Variants in MAL observed in about 807,000 individuals in gnomAD.
The protein encoded by MAL is mal, T cell differentiation protein (MAL blood group), also known as myelin and lymphocyte protein.
A neutral mutation model predicts 16.7 loss-of-function variants in MAL; 5 were observed. The observed-to-expected ratio is 0.30, with a 90% confidence interval of 0.16 to 0.63. The LOEUF (loss-of-function observed/expected upper bound fraction) is 0.63, where lower values mean the gene tolerates loss of function less well. Among genes scored for constraint, MAL ranks in the 30% least tolerant of loss-of-function variants. MAL has a pLI of 0.82. For missense variants in MAL, 202 were observed against 195.8 expected, an observed-to-expected ratio of 1.03 and a Z score of -0.19; for synonymous variants, 96 against 85.5, an observed-to-expected ratio of 1.12 and a Z score of -0.67.
chr2:95,034,454 CAT>C (rs1387464724), intron 1 of MAL, among the ~76,000 whole-genome samples: 1 of 152,242 alleles, frequency 6.6e-6, no homozygotes, highest in Non-Finnish European at 1.5e-5. Flanking sequence ...GAGTGTGACA[CAT>C]AGCTACATCT....
intron 1 of MAL, among the ~76,000 whole-genome samples, chr2:95,028,580 G>A (rs780290548): frequency 3.9e-5 from 6 of 152,110 alleles, no homozygotes; most frequent in Admixed American, 6.5e-5. Context: ...TATAACCAAA[G>A]GATTCCAAGC....
Position 95,029,939 on chromosome 2 carries a change from G to A in MAL, c.93+4054G>A, listed in dbSNP as rs545702895. ...TTTATAATTTTCTGCTAGTCCAATGGGTGTGAAATGCTTGATTATTTTTTA... is the reference window on the plus strand; with the variant it reads ...TTTATAATTTTCTGCTAGTCCAATGAGTGTGAAATGCTTGATTATTTTTTA... On this transcript the variant is annotated intron_variant, in intron 1 of 3. Transcript: ENST00000309988. 2.6e-5 allele frequency among the ~76,000 whole-genome samples: 4 copies of A among 152,234 alleles called. No individual in the cohort carries two copies. The East Asian group carries it at 7.7e-4, about 29-fold the overall frequency.
At chr2:95,028,166 A>AC (rs1553413960) in intron 1 of MAL, among the ~76,000 whole-genome samples, 17 of 149,766 alleles carry the variant, frequency 1.1e-4, no homozygotes, top group African/African-American at 3.4e-4. Context: ...AAAAAAAAAA[A>AC]AAAAAAAAAA....
intron 1 of MAL, among the ~76,000 whole-genome samples, chr2:95,037,822 CAGTG>C (rs1674281791): frequency 1.5e-5 from 1 of 67,638 alleles, no homozygotes; most frequent in African/African-American, 6.1e-5. Flanking sequence ...GTGAGTGACT[CAGTG>C]AGTGAGTGAC....
chr2:95,050,879 C>T (rs1351900955), intron 3 of MAL, among the ~76,000 whole-genome samples: 2 of 152,192 alleles, frequency 1.3e-5, no homozygotes, highest in Admixed American at 1.3e-4. Flanking sequence ...ACTGATCTTC[C>T]TTCCTGGGGA....
chr2:95,030,606 A>G (rs1321752258), intron 1 of MAL, among the ~76,000 whole-genome samples: 3 of 152,122 alleles, frequency 2.0e-5, no homozygotes, highest in Non-Finnish European at 2.9e-5. Context: ...AGGACTTGTG[A>G]AGGAAGTGCC....
At chr2:95,047,674 G>A (rs1030682854) in intron 1 of MAL, among the ~76,000 whole-genome samples, 4 of 152,160 alleles carry the variant, frequency 2.6e-5, no homozygotes, top group African/African-American at 4.8e-5. Context: ...TGAGCCACAC[G>A]CCACTGTACT....
intron 1 of MAL, among the ~76,000 whole-genome samples, chr2:95,043,276 T>C (rs1674511460): frequency 1.3e-5 from 2 of 152,272 alleles, no homozygotes; most frequent in African/African-American, 4.8e-5. Context: ...GTTAAGTGGC[T>C]GCTTATGCAT....
In MAL at chr2:95,025,818, G is replaced by A. The variant is rs757977215; in HGVS notation, c.26G>A (p.Gly9Asp). Reference protein sequence around the residue: MAPAAATGGSTLPSGFSVF... With the variant: MAPAAATGDSTLPSGFSVF... ...ATGGCCCCCGCAGCGGCGACGGGGG[G>A]CAGCACCCTGCCCAGTGGCTTCTCG... Residue 9 changes from glycine to aspartate, a missense_variant, in exon 1 of 4, where the codon GGC becomes GAC. By Grantham distance (94) the Gly-to-Asp change is moderately conservative. Coordinates refer to ENST00000309988, the MANE Select transcript of MAL (RefSeq NM_002371.4). This position sits in a 1 kb window ranked among gnomAD's most constrained non-coding sequence, Gnocchi z 5.6. The A allele has an allele frequency of 8.3e-6, 13 of 1,570,568 alleles. No individual in the cohort carries two copies. Among genetic ancestry groups the A allele is most frequent in the East Asian group, 2.4e-5 (1 of 41,480 alleles).
Position 95,025,759 on chromosome 2 carries a change from C to T in MAL, c.-34C>T, listed in dbSNP as rs770786417. The T allele has an allele frequency of 1.9e-5, 27 of 1,457,126 alleles. No homozygotes were observed. Among genetic ancestry groups the T allele is most frequent in the East Asian group, 5.5e-5 (2 of 36,534 alleles). 90.3% of individuals were successfully genotyped at this position (1,457,126 alleles called of 1,614,324 possible). A position where few individuals can be genotyped will look rare whatever the true frequency, so the allele number is the denominator to read the frequency against. ...GTCTGCGCGGAGTCTGAGCGGCGCT[C>T]GTCCCGTCCCAAGGCCGACGCCAGC... On this transcript the variant is annotated 5_prime_UTR_variant, in exon 1 of 4. Transcript: ENST00000309988. The surrounding 1 kb of genome is among the most constrained non-coding windows in gnomAD (Gnocchi z 5.6).
At chr2:95,038,282 G>A (rs1301947755) in intron 1 of MAL, among the ~76,000 whole-genome samples, 11 of 150,930 alleles carry the variant, frequency 7.3e-5, no homozygotes, top group South Asian at 2.1e-4. Context: ...CTGAGTGACC[G>A]AGTGGGTGAG....
intron 1 of MAL, among the ~76,000 whole-genome samples, chr2:95,045,426 T>C (rs1170588292): frequency 1.3e-5 from 2 of 152,222 alleles, no homozygotes; most frequent in African/African-American, 4.8e-5. Flanking sequence ...TGGACACCGA[T>C]GCATGGCTGG....
At chr2:95,036,128 C>T (rs1674198830) in intron 1 of MAL, among the ~76,000 whole-genome samples, 1 of 152,194 alleles carries the variant, frequency 6.6e-6, no homozygotes, top group African/African-American at 2.4e-5. Context: ...GAGGAAGAAG[C>T]CTGCTAATGA....
At chr2:95,053,267 C>A in intron 3 of MAL, 114 bp from the exon 4 acceptor site, 2 of 756,806 alleles carry the variant, frequency 2.6e-6, no homozygotes, top group Admixed American at 1.9e-5. Flanking sequence ...GCAATGACAG[C>A]CCAAGCTCTC....
intron 1 of MAL, among the ~76,000 whole-genome samples, chr2:95,037,496 CTGAG>C (rs1674260433): frequency 9.6e-6 from 1 of 104,296 alleles, no homozygotes; most frequent in South Asian, 3.3e-4. Flanking sequence ...GAGTGAGTGA[CTGAG>C]TGACTGAGTG....
intron 1 of MAL, among the ~76,000 whole-genome samples, chr2:95,039,723 G>C (rs551030317): frequency 8.0e-4 from 61 of 76,674 alleles, no homozygotes; most frequent in African/African-American, 3.6e-3. Flanking sequence ...GACTGAGTGA[G>C]TGACTGAGTG....
intron 2 of MAL, among the ~76,000 whole-genome samples, chr2:95,048,412 C>A (rs552885006): frequency 6.6e-6 from 1 of 152,160 alleles, no homozygotes; most frequent in Non-Finnish European, 1.5e-5. Flanking sequence ...CACCTGTACC[C>A]GCCAGGTGCC....
At chr2:95,026,155 A>T (rs893473080) in intron 1 of MAL, among the ~76,000 whole-genome samples, 1 of 149,894 alleles carries the variant, frequency 6.7e-6, no homozygotes, top group Non-Finnish European at 1.5e-5. Flanking sequence ...GCAGCGGGGC[A>T]GGGGGGGACG....
At chr2:95,047,290 C>G (rs1466831776) in intron 1 of MAL, among the ~76,000 whole-genome samples, 1 of 152,214 alleles carries the variant, frequency 6.6e-6, no homozygotes, top group Non-Finnish European at 1.5e-5. Context: ...GTTTCCTCAT[C>G]TGGCAAACAG....
Sources: gnomAD v4.1 joint callset for allele counts (sites outside exome capture counted in the v4.1 genomes callset) on GRCh38, gnomAD v4.1.1 for gene constraint, Gnocchi (gnomAD v3.1) non-coding constraint, MANE v1.5 for transcripts, NCBI Gene and HGNC (gene_info 2026-07-23, HGNC 2026-07-21) for gene names.